Variants in PNLIPRP3 observed in about 807,000 individuals in gnomAD.
PNLIPRP3 encodes the protein pancreatic lipase-related protein 3.
A neutral mutation model predicts 52.8 loss-of-function variants in PNLIPRP3; 58 were observed. The ratio of observed to expected loss-of-function variants is 1.10; its 90% confidence interval spans 0.89 to 1.37. PNLIPRP3 has a LOEUF of 1.37. Among genes scored for constraint, PNLIPRP3 ranks in the 40% most tolerant of loss-of-function variants. The pLI, the probability that PNLIPRP3 is intolerant of heterozygous loss-of-function variation, is 0.00. For missense variants in PNLIPRP3, 593 were observed against 561.6 expected (o/e 1.06, Z -0.57); for synonymous variants, 192 against 185.0 (o/e 1.04, Z -0.31).
At chr10:116,428,702 C>T (rs183173590) in intron 1 of PNLIPRP3, among the ~76,000 whole-genome samples, 2 of 152,222 alleles carry the variant, frequency 1.3e-5, no homozygotes, top group Admixed American at 1.3e-4. Context: ...ATTTTGGCTA[C>T]TTTTACCATC....
rs1846481938 is a variant in PNLIPRP3 at position 116,477,078 on chromosome 10, A to G, written c.1341-12A>G. 3 of 1,563,948 alleles carry G rather than the reference A, an allele frequency of 1.9e-6. No individual in the cohort carries two copies. The highest frequency in any genetic ancestry group is 2.7e-5 in the African/African-American group (2 of 72,750). Reference sequence around the variant, plus strand: ...GTTAAAATTCCTTTTTTTTTTCCTTAAAAACTTTCAGATCTACCTTCTGTA... The same window carrying G: ...GTTAAAATTCCTTTTTTTTTTCCTTGAAAACTTTCAGATCTACCTTCTGTA... On this transcript the variant is annotated splice_polypyrimidine_tract_variant and intron_variant, in intron 11 of 11. Transcript: ENST00000369230.
intron 5 of PNLIPRP3, among the ~76,000 whole-genome samples, chr10:116,456,754 G>A (rs1846120941): frequency 6.6e-6 from 1 of 152,164 alleles, no homozygotes; most frequent in Admixed American, 6.5e-5. Context: ...CCAACAGGCG[G>A]GGCTGGCCTC....
intron 1 of PNLIPRP3, among the ~76,000 whole-genome samples, chr10:116,428,330 C>T (rs938381705): frequency 6.6e-6 from 1 of 152,056 alleles, no homozygotes; most frequent in Non-Finnish European, 1.5e-5. Flanking sequence ...CTATTTCCAA[C>T]AATATAAAAG....
intron 2 of PNLIPRP3, among the ~76,000 whole-genome samples, chr10:116,441,530 T>C (rs780438910): frequency 2.6e-5 from 4 of 152,166 alleles, no homozygotes; most frequent in Non-Finnish European, 5.9e-5. Flanking sequence ...GAGACATAGA[T>C]GGAATCATGT....
chr10:116,432,281 C>T (rs1018463096), intron 1 of PNLIPRP3, among the ~76,000 whole-genome samples: 1 of 152,176 alleles, frequency 6.6e-6, no homozygotes, highest in Non-Finnish European at 1.5e-5. Flanking sequence ...AGAGAAGTGA[C>T]TCCTTTAGAG....
At chr10:116,452,679 A>G (rs1846055871) in intron 4 of PNLIPRP3, among the ~76,000 whole-genome samples, 1 of 152,240 alleles carries the variant, frequency 6.6e-6, no homozygotes, top group African/African-American at 2.4e-5. Context: ...GATACAGCTT[A>G]GAACACAGCT....
intron 4 of PNLIPRP3, among the ~76,000 whole-genome samples, chr10:116,454,339 C>T (rs1284425258): frequency 6.6e-6 from 1 of 152,082 alleles, no homozygotes; most frequent in Non-Finnish European, 1.5e-5. Flanking sequence ...AGGCTGGTCT[C>T]GAACTCCTGA....
intron 5 of PNLIPRP3, among the ~76,000 whole-genome samples, chr10:116,458,628 T>A (rs1846149353): frequency 6.6e-6 from 1 of 152,220 alleles, no homozygotes; most frequent in Non-Finnish European, 1.5e-5. Context: ...TAAATACTTT[T>A]TCCTCTTTGT....
chr10:116,462,332 T>G (rs1463159050), intron 7 of PNLIPRP3, among the ~76,000 whole-genome samples: 1 of 149,680 alleles, frequency 6.7e-6, no homozygotes, highest in Non-Finnish European at 1.5e-5. Context: ...AATATATATA[T>G]ATATGATGAT....
At chr10:116,457,843 T>A (rs1476888313) in intron 5 of PNLIPRP3, among the ~76,000 whole-genome samples, 1 of 152,210 alleles carries the variant, frequency 6.6e-6, no homozygotes, top group Non-Finnish European at 1.5e-5. Flanking sequence ...CTCTAGTTTT[T>A]CCCATCAGGT....
intron 4 of PNLIPRP3, among the ~76,000 whole-genome samples, chr10:116,446,227 T>C (rs974456545): frequency 1.3e-5 from 2 of 151,430 alleles, no homozygotes; most frequent in Non-Finnish European, 2.9e-5. Context: ...GCACCTGTAG[T>C]CCCAGCTACT....
intron 1 of PNLIPRP3, among the ~76,000 whole-genome samples, chr10:116,433,156 T>C (rs1172927747): frequency 1.3e-5 from 1 of 78,372 alleles, no homozygotes; most frequent in Admixed American, 1.5e-4. Flanking sequence ...AGTCTTGGAG[T>C]GAGGAAGCCT....
At chr10:116,464,580 C>T (rs12255207) in intron 7 of PNLIPRP3, among the ~76,000 whole-genome samples, 1 of 152,138 alleles carries the variant, frequency 6.6e-6, no homozygotes, top group East Asian at 1.9e-4. Context: ...TGGTTCCACA[C>T]GAGGCTGTGG....
At chr10:116,468,949 G>A (rs779771069) in intron 8 of PNLIPRP3, among the ~76,000 whole-genome samples, 41 of 152,230 alleles carry the variant, frequency 2.7e-4, no homozygotes, top group East Asian at 9.7e-4. Flanking sequence ...TTCCTCTTCC[G>A]TGGATTGTCT....
chr10:116,453,940 C>G (rs1846075056), intron 4 of PNLIPRP3, among the ~76,000 whole-genome samples: 2 of 152,012 alleles, frequency 1.3e-5, no homozygotes, highest in South Asian at 4.1e-4. Context: ...TCCCCTTGTC[C>G]CCCACCCCCA....
At chr10:116,471,287 G>C (rs1227669796) in intron 9 of PNLIPRP3, among the ~76,000 whole-genome samples, 1 of 152,138 alleles carries the variant, frequency 6.6e-6, no homozygotes, top group African/African-American at 2.4e-5. Context: ...ACATATCCCT[G>C]CAGGAGAAGA....
intron 11 of PNLIPRP3, 102 bp downstream of exon 11, chr10:116,476,921 A>T: frequency 7.6e-7 from 1 of 1,315,638 alleles, no homozygotes; most frequent in Non-Finnish European, 1.0e-6. Context: ...AAAAATTTAT[A>T]GACTTTGAAA....
intron 4 of PNLIPRP3, among the ~76,000 whole-genome samples, chr10:116,446,037 A>G (rs1038378302): frequency 6.6e-6 from 1 of 152,154 alleles, no homozygotes; most frequent in Non-Finnish European, 1.5e-5. Flanking sequence ...AGGAAAGAAA[A>G]TAGTCATTTA....
Position 116,477,269 on chromosome 10 carries a change from G to A in PNLIPRP3, c.*116G>A. On this transcript the variant is annotated 3_prime_UTR_variant, in exon 12 of 12. Coordinates refer to ENST00000369230, the MANE Select transcript of PNLIPRP3 (RefSeq NM_001011709.3). ...GTAAATGACTTAGTCATTTACAAGG[G>A]TCTTACTCAGAGTCAAGTACGGGTT... The A allele has an allele frequency of 1.3e-6, 1 of 755,852 alleles. No individual in the cohort carries two copies. 46.8% of individuals were successfully genotyped at this position (755,852 alleles called of 1,614,324 possible).
Sources: allele counts gnomAD v4.1 joint callset (sites outside exome capture counted in the v4.1 genomes callset), GRCh38; gene constraint gnomAD v4.1.1; transcripts MANE v1.5; gene names NCBI Gene and HGNC (gene_info 2026-07-23, HGNC 2026-07-21).